Variants in KCNAB2 observed in about 807,000 individuals in gnomAD.
KCNAB2 encodes the protein potassium voltage-gated channel subfamily A regulatory beta subunit 2.
KCNAB2 carries 29 observed loss-of-function variants against 63.6 expected under a neutral mutation model. The ratio of observed to expected loss-of-function variants is 0.46; its 90% CI spans 0.34 to 0.62. The LOEUF is 0.62. Ranked by LOEUF, KCNAB2 falls within the 20% of genes least tolerant of loss-of-function variation. KCNAB2 has a pLI of 0.01. For synonymous variants in KCNAB2, 222 were observed against 224.2 expected (o/e 0.99, Z 0.09); for missense variants, 359 against 563.9 (o/e 0.64, Z 3.68).
rs539548663 is a variant in KCNAB2, at chr1:6,059,205, T to C, written c.218+7451T>C. ...TTTTCCTGTTTTTTGTTGTTTTTTG[T>C]GTTGAGACAGCGCCTTGCTCTGTCG... On this transcript the variant is annotated intron_variant, in intron 2 of 15. Coordinates refer to ENST00000378083, the MANE Select transcript of KCNAB2 (RefSeq NM_001199862.2). Among the ~76,000 whole-genome samples the C allele has an allele frequency of 3.4e-5, 5 of 146,864 alleles. No individual in the cohort carries two copies. In the South Asian group the frequency reaches 1.0e-3, roughly 31 times the overall value.
chr1:6,083,512 T>C (rs1278362113), intron 5 of KCNAB2, among the ~76,000 whole-genome samples: 1 of 152,170 alleles, frequency 6.6e-6, no homozygotes, highest in African/African-American at 2.4e-5. Context: ...GCCTCGGGCC[T>C]CTCGGAAGCC....
chr1:6,022,193 TGC>T (rs1467069703), intron 1 of KCNAB2, among the ~76,000 whole-genome samples: 10 of 149,530 alleles, frequency 6.7e-5, no homozygotes, highest in Non-Finnish European at 1.5e-4. Context: ...TGGTATTGAG[TGC>T]GTAAATTCAG....
chr1:6,019,369 G>A (rs1283825390), intron 1 of KCNAB2, among the ~76,000 whole-genome samples: 1 of 152,184 alleles, frequency 6.6e-6, no homozygotes, highest in East Asian at 1.9e-4. Flanking sequence ...CAGGTGACAG[G>A]CTGGCGCAGC....
intron 1 of KCNAB2, among the ~76,000 whole-genome samples, chr1:5,997,554 C>G (rs1421419823): frequency 2.0e-5 from 3 of 152,236 alleles, no homozygotes; most frequent in African/African-American, 7.2e-5. Flanking sequence ...TCTGAGCATG[C>G]TCCCCCTCCT....
In KCNAB2 at chr1:6,015,573, T is replaced by A. The variant is rs554679753; in HGVS notation, c.-53+22785T>A. On this transcript the variant is annotated intron_variant, in intron 1 of 16. Transcript: ENST00000341524. ...TTTGCCCTTCCCTGCCATAGCTGCG[T>A]AAGCACCCTGGGGAAGCGTCCTGTC... is the stretch of plus-strand genomic sequence containing the variant. Among the ~76,000 whole-genome samples, 27 of 152,382 alleles carry A rather than the reference T, an allele frequency of 1.8e-4. No individual in the cohort carries two copies. The East Asian group carries it at 4.2e-3, about 24-fold the overall frequency.
intron 7 of KCNAB2, 54 bp from the exon 8 acceptor site, chr1:6,088,954 G>T: frequency 6.6e-7 from 1 of 1,520,484 alleles, no homozygotes; most frequent in Non-Finnish European, 8.9e-7. Context: ...TTTTGGGAGG[G>T]GCCAGGGTGC....
intron 2 of KCNAB2, among the ~76,000 whole-genome samples, chr1:6,053,212 CAAG>C (rs1661533982): frequency 6.6e-6 from 1 of 152,122 alleles, no homozygotes; most frequent in African/African-American, 2.4e-5. Flanking sequence ...GGAAATTTCT[CAAG>C]AAGGAGACGC....
At chr1:6,045,053 T>G (rs1250403553), upstream of KCNAB2, among the ~76,000 whole-genome samples, 1 of 152,090 alleles carries the variant, frequency 6.6e-6, no homozygotes, top group East Asian at 1.9e-4. This position sits in a 1 kb window ranked among gnomAD's most constrained non-coding sequence, Gnocchi z 4.8. Flanking sequence ...GACAAACCAT[T>G]TCAATTGCCA....
chr1:5,998,517 A>G (rs1657059441), intron 1 of KCNAB2, among the ~76,000 whole-genome samples: 1 of 152,162 alleles, frequency 6.6e-6, no homozygotes, highest in Admixed American at 6.5e-5. Context: ...CACAGCCCTG[A>G]CAGTGTCACC....
intron 1 of KCNAB2, among the ~76,000 whole-genome samples, chr1:6,047,010 T>C (rs534164217): frequency 6.6e-6 from 1 of 152,232 alleles, no homozygotes; most frequent in African/African-American, 2.4e-5. Flanking sequence ...TCTACAGGAA[T>C]AGATTTGCAC....
chr1:6,015,711 T>G (rs922142944), intron 1 of KCNAB2, among the ~76,000 whole-genome samples: 11 of 152,250 alleles, frequency 7.2e-5, no homozygotes, highest in East Asian at 3.9e-4. Flanking sequence ...GGTTGGTTTT[T>G]GGGGGTTTTT....
At chr1:6,076,632 T>G (rs6577486) in intron 4 of KCNAB2, among the ~76,000 whole-genome samples, 50,666 of 152,170 alleles carry the variant, frequency 0.33, 10,252 homozygotes, top group African/African-American at 0.57. Context: ...TCACCTGGCC[T>G]CTGGCCACAG....
chr1:6,010,965 T>C lies in KCNAB2; in HGVS notation c.-53+18177T>C, dbSNP rs115781504. Among the ~76,000 whole-genome samples the C allele has an allele frequency of 2.8e-3, 429 of 152,296 alleles. 2 individuals carry two copies. Among genetic ancestry groups the C allele is most frequent in the African/African-American group, 9.8e-3 (408 of 41,560 alleles). ...TTTCCTCCTTAGAATTGTGTGACTTTAGCCACATCATTTAGAAGACACAGA... is the reference window on the plus strand; with the variant it reads ...TTTCCTCCTTAGAATTGTGTGACTTCAGCCACATCATTTAGAAGACACAGA... On this transcript the variant is annotated intron_variant, in intron 1 of 16. Transcript: ENST00000341524.
intron 1 of KCNAB2, among the ~76,000 whole-genome samples, chr1:6,038,194 G>A (rs1660210821): frequency 6.6e-6 from 1 of 151,932 alleles, no homozygotes; most frequent in Admixed American, 6.6e-5. Flanking sequence ...GGGTCTTTAA[G>A]AATAAAACTC....
intron 1 of KCNAB2, among the ~76,000 whole-genome samples, chr1:6,015,264 C>T (rs1266866340): frequency 2.0e-5 from 3 of 152,168 alleles, no homozygotes; most frequent in Admixed American, 6.5e-5. Flanking sequence ...TCTTGACCTC[C>T]GGTGATCCAC....
At chr1:6,056,892 T>C (rs1213585867) in intron 2 of KCNAB2, among the ~76,000 whole-genome samples, 1 of 151,768 alleles carries the variant, frequency 6.6e-6, no homozygotes, top group Admixed American at 6.6e-5. Flanking sequence ...AACAAGCACC[T>C]ATGAAGTCAT....
chr1:6,085,957 C>A (rs1393341867), intron 6 of KCNAB2: 1 of 985,350 alleles, frequency 1.0e-6, no homozygotes, highest in African/African-American at 1.7e-5. Flanking sequence ...GCCCAAAGGT[C>A]GCAGATCGGG....
chr1:6,065,848 T>C (rs1254740530), intron 2 of KCNAB2, among the ~76,000 whole-genome samples: 1 of 152,136 alleles, frequency 6.6e-6, no homozygotes, highest in Non-Finnish European at 1.5e-5. Context: ...CTTCTGTACC[T>C]CGGGCCTGGA....
At chr1:6,066,622 GC>G (rs938832044) in intron 2 of KCNAB2, among the ~76,000 whole-genome samples, 4 of 152,160 alleles carry the variant, frequency 2.6e-5, no homozygotes, top group Admixed American at 6.5e-5. Context: ...GGGCCACAGG[GC>G]CCCCCCAACA....
Sources: allele counts gnomAD v4.1 joint callset (sites outside exome capture counted in the v4.1 genomes callset), GRCh38; gene constraint gnomAD v4.1.1; non-coding constraint Gnocchi (gnomAD v3.1); transcripts MANE v1.5; gene names NCBI Gene and HGNC (gene_info 2026-07-23, HGNC 2026-07-21).